EIF4A1: variants seen among roughly 807,000 people sequenced by gnomAD.
EIF4A1 encodes the protein eukaryotic initiation factor 4A-I.
In EIF4A1, 11 loss-of-function variants were observed where a neutral mutation model predicts 53.5. The observed-to-expected ratio is 0.21, with a 90% CI of 0.13 to 0.34. The LOEUF (loss-of-function observed/expected upper bound fraction) is 0.34, where lower values mean the gene tolerates loss of function less well. Ranked by LOEUF, EIF4A1 falls within the 10% of genes least tolerant of loss-of-function variation. The probability of loss-of-function intolerance (pLI) is 1.00; values close to 1 mark genes in which losing one functional copy is unlikely to be tolerated. For synonymous variants in EIF4A1, 237 were observed against 186.7 expected, an observed-to-expected ratio of 1.27 and a Z score of -2.20; for missense variants, 213 against 530.8, an observed-to-expected ratio of 0.40 and a Z score of 5.88.
At chr17:7,574,366 G>A in intron 2 of EIF4A1, 58 bp downstream of exon 2, 1 of 1,612,936 alleles carries the variant, frequency 6.2e-7, no homozygotes, top group East Asian at 2.2e-5. Context: ...GCCGTATAGA[G>A]TTAGAGTGGC....
chr17:7,578,714 A>AC lies in EIF4A1; in HGVS notation c.*228_*229insC, dbSNP rs1249729390. 1.2e-5 allele frequency: 5 copies of AC among 402,958 alleles called. No homozygotes were observed. In the South Asian group the frequency reaches 1.7e-4, roughly 14 times the overall value. 25.0% of individuals were successfully genotyped at this position (402,958 alleles called of 1,614,324 possible). A position where few individuals can be genotyped will look rare whatever the true frequency, so the allele number is the denominator to read the frequency against. On this transcript the variant is annotated 3_prime_UTR_variant, in exon 11 of 11. Coordinates refer to ENST00000293831, the MANE Select transcript of EIF4A1 (RefSeq NM_001416.4). ...GGCTCTTCTCCCAAAAAAAAAAAAA[A>AC]AACACTAATCCATTTCCCTAACCTA...
chr17:7,575,090 C>T (rs577291092), intron 3 of EIF4A1, 29 bp from the exon 4 acceptor site: 32 of 1,610,450 alleles, frequency 2.0e-5, no homozygotes, highest in Non-Finnish European at 2.7e-5. Flanking sequence ...TGCTCTTTAC[C>T]ACATTCAACT....
At chr17:7,575,012 A>G (rs1298357262) in intron 3 of EIF4A1, 107 bp from the exon 4 acceptor site, 4 of 1,469,080 alleles carry the variant, frequency 2.7e-6, no homozygotes, top group South Asian at 2.5e-5. Context: ...TTTGTGAGCC[A>G]TGAAATGCTT....
At position 7,577,416 on chromosome 17, in the gene EIF4A1, C is replaced by T. The variant is rs865904208; in HGVS notation, c.697C>T (p.Arg233Trp). Residue 233 changes from arginine to tryptophan, a missense_variant, in exon 7 of 11, where the codon CGG becomes TGG. Arg to Trp is a moderately radical substitution (Grantham distance 101). This residue lies in a region of EIF4A1 where 119 missense variants were observed against 351.0 expected (regional missense o/e 0.34). Coordinates refer to ENST00000293831, the MANE Select transcript of EIF4A1 (RefSeq NM_001416.4). The surrounding 1 kb of genome is among the most constrained non-coding windows in gnomAD (Gnocchi z 4.7). ...CAAGAAGTTCATGAGGGACCCCATT[C>T]GGATTCTTGTCAAGAAGGAAGAGTT... is the stretch of plus-strand genomic sequence containing the variant. Reference protein sequence around the residue: ...VTKKFMRDPIRILVKKEELTL... With the variant: ...VTKKFMRDPIWILVKKEELTL... 2.5e-6 allele frequency: 4 copies of T among 1,614,062 alleles called. No individual in the cohort carries two copies. The highest frequency in any genetic ancestry group is 3.4e-6 in the Non-Finnish European group (4 of 1,180,034).
chr17:7,575,530 A>G (rs2071388758), intron 4 of EIF4A1: 1 of 538,030 alleles, frequency 1.9e-6, no homozygotes, highest in Non-Finnish European at 3.4e-6. Flanking sequence ...CACCTTCACT[A>G]TGGGCTAAGA....
chr17:7,575,831 T>C (rs1426954770), intron 4 of EIF4A1: 1 of 208,176 alleles, frequency 4.8e-6, no homozygotes, highest in Non-Finnish European at 1.0e-5. Flanking sequence ...GCTTGGGTCC[T>C]ATGGCAGGAG....
chr17:7,574,883 T>C (rs775304689), intron 3 of EIF4A1: 7 of 1,052,716 alleles, frequency 6.6e-6, no homozygotes, highest in African/African-American at 1.6e-5. Context: ...AGCCAGCTTA[T>C]ATTTGCATCT....
intron 4 of EIF4A1, chr17:7,575,531 T>C: frequency 3.7e-6 from 2 of 539,474 alleles, no homozygotes; most frequent in Non-Finnish European, 6.8e-6. Flanking sequence ...ACCTTCACTA[T>C]GGGCTAAGAG....
Position 7,577,879 on chromosome 17 carries a change from C to T in EIF4A1, c.959C>T (p.Ser320Phe). 6.2e-7 allele frequency: 1 copy of T among 1,614,148 alleles called. No individual in the cohort carries two copies. The highest frequency in any genetic ancestry group is 8.5e-7 in the Non-Finnish European group (1 of 1,180,026). The change falls in exon 9 of 11, where the codon TCT (serine) becomes TTT (phenylalanine). Residue 320 changes from serine (S) to phenylalanine (F), a missense_variant. Physicochemically the swap from Ser to Phe is radical, Grantham distance 155. Coordinates refer to ENST00000293831, the MANE Select transcript of EIF4A1 (RefSeq NM_001416.4). This position sits in a 1 kb window ranked among gnomAD's most constrained non-coding sequence, Gnocchi z 4.7. The part of the protein sequence containing the change: ...ERDVIMREFR[S>F]GSSRVLITTD... Reference sequence around the variant, plus strand: ...GACGTGATTATGAGGGAGTTTCGTTCTGGCTCTAGCAGAGTTTTGATTACC... The same window carrying T: ...GACGTGATTATGAGGGAGTTTCGTTTTGGCTCTAGCAGAGTTTTGATTACC...
At position 7,577,957 on chromosome 17, in the gene EIF4A1, C is replaced by G. The variant is rs1328232678; in HGVS notation, c.996+41C>G. ...TGATAGCAAAGGCAGAAGGGAGGAT[C>G]CAAGGTGATTCCCTCTCCAAGGGGA... On this transcript the variant is annotated intron_variant, in intron 9 of 10. Coordinates refer to ENST00000293831, the MANE Select transcript of EIF4A1 (RefSeq NM_001416.4). This position sits in a 1 kb window ranked among gnomAD's most constrained non-coding sequence, Gnocchi z 4.7. The G allele has an allele frequency of 1.2e-6, 2 of 1,611,898 alleles. No homozygotes were observed. Among genetic ancestry groups the G allele is most frequent in the Non-Finnish European group, 8.5e-7 (1 of 1,178,004 alleles).
At position 7,575,247 on chromosome 17, in the gene EIF4A1, T is replaced by C. The variant is rs1330354628; in HGVS notation, c.334T>C (p.Leu112=). The change falls in exon 4 of 11, where the codon TTG becomes CTG. Residue 112 remains leucine, a synonymous_variant. Coordinates refer to ENST00000293831, the MANE Select transcript of EIF4A1 (RefSeq NM_001416.4). ...QALVLAPTRE[L]AQQIQKVVMA... is the part of the protein sequence containing the mutation. ...CTTGGTCCTAGCACCCACTCGAGAA[T>C]TGGCTCAGCAGGTAAGAGTGGCTTC... The C allele has an allele frequency of 4.3e-6, 7 of 1,613,856 alleles. No individual in the cohort carries two copies. The East Asian group carries it at 1.1e-4, about 26-fold the overall frequency.
At chr17:7,576,848 T>C (rs750883800) in intron 5 of EIF4A1, 156 bp downstream of exon 5, 1 of 1,429,942 alleles carries the variant, frequency 7.0e-7, no homozygotes, top group Non-Finnish European at 9.8e-7. Context: ...TCTGAGCCTC[T>C]GGCTTCCCTG....
In EIF4A1 at chr17:7,577,537, C is replaced by A; in HGVS notation, c.769-32C>A. On this transcript the variant is annotated intron_variant, in intron 7 of 10. Transcript: ENST00000293831. This position sits in a 1 kb window ranked among gnomAD's most constrained non-coding sequence, Gnocchi z 4.7. ...CCTGGTAGTGAGTTGTTGGGTATAGCCCCTGACTGATTTTTGTCCCCCAAC... is the reference window on the plus strand; with the variant it reads ...CCTGGTAGTGAGTTGTTGGGTATAGACCCTGACTGATTTTTGTCCCCCAAC... 6.2e-7 allele frequency: 1 copy of A among 1,612,712 alleles called. No individual in the cohort carries two copies. The highest frequency in any genetic ancestry group is 8.5e-7 in the Non-Finnish European group (1 of 1,179,180).
In EIF4A1 at chr17:7,578,161, G is replaced by A. The variant is rs759967040; in HGVS notation, c.997-4G>A. On this transcript the variant is annotated splice_polypyrimidine_tract_variant and splice_region_variant and intron_variant, in intron 9 of 10. Transcript: ENST00000293831. Reference sequence around the variant, plus strand: ...ATGCTGAAGAGTTGTCTTTCTTGACGTAGGCCAGAGGCATTGATGTGCAGC... The same window carrying A: ...ATGCTGAAGAGTTGTCTTTCTTGACATAGGCCAGAGGCATTGATGTGCAGC... 6 of 1,614,152 alleles carry A rather than the reference G, an allele frequency of 3.7e-6. No individual in the cohort carries two copies. The highest frequency in any genetic ancestry group is 3.3e-5 in the Admixed American group (2 of 60,026).
intron 1 of EIF4A1, chr17:7,573,441 G>T (rs2071353388): frequency 6.5e-6 from 1 of 153,660 alleles, no homozygotes; most frequent in Admixed American, 6.5e-5. Context: ...GAGGCACCAG[G>T]AGCCCACCCG....
chr17:7,573,701 C>CAA (rs1410884033), intron 1 of EIF4A1: 1 of 155,930 alleles, frequency 6.4e-6, no homozygotes, highest in Non-Finnish European at 1.4e-5. Flanking sequence ...AAGTGTTGTG[C>CAA]AATCTCCCCC....
chr17:7,574,730 G>C (rs560063923), intron 3 of EIF4A1, 52 bp downstream of exon 3: 5 of 1,609,338 alleles, frequency 3.1e-6, no homozygotes, highest in Non-Finnish European at 4.2e-6. Context: ...GACCTGGGTA[G>C]AGTGGCATCT....
In EIF4A1 at chr17:7,577,202, GA is replaced by G. The variant is rs1567735061; in HGVS notation, c.624+42del. The G allele has an allele frequency of 6.4e-7, 1 of 1,568,206 alleles. No individual in the cohort carries two copies. On this transcript the variant is annotated intron_variant, in intron 6 of 10. Coordinates refer to ENST00000293831, the MANE Select transcript of EIF4A1 (RefSeq NM_001416.4). The surrounding 1 kb of genome is among the most constrained non-coding windows in gnomAD (Gnocchi z 4.7). ...CTTGCTTGAATAGCTAATGATTCTTGAAAAATAGTAAGTGCCAGGGGAACCA... is the reference window on the plus strand; with the variant it reads ...CTTGCTTGAATAGCTAATGATTCTTGAAAATAGTAAGTGCCAGGGGAACCA...
rs1428134328 is a variant in EIF4A1, at chr17:7,578,922, T to C, written c.*436T>C. 6.3e-6 allele frequency: 1 copy of C among 158,962 alleles called. No homozygotes were observed. Among genetic ancestry groups the C allele is most frequent in the Non-Finnish European group, 1.4e-5 (1 of 72,200 alleles). 9.8% of individuals were successfully genotyped at this position (158,962 alleles called of 1,614,324 possible). A position where few individuals can be genotyped will look rare whatever the true frequency, so the allele number is the denominator to read the frequency against. ...GGGGGAAGCAGGGGAGAGAAAATGG[T>C]AGCCATTTTTACATTGTTTTGTATA... On this transcript the variant is annotated 3_prime_UTR_variant, in exon 11 of 11. Transcript: ENST00000293831.
Sources: gnomAD v4.1 joint callset for allele counts on GRCh38, gnomAD v4.1.1 for gene constraint, gnomAD v4.1.1 regional missense constraint, Gnocchi (gnomAD v3.1) non-coding constraint, MANE v1.5 for transcripts, NCBI Gene and HGNC (gene_info 2026-07-23, HGNC 2026-07-21) for gene names.